Variants in PKIB observed in about 807,000 individuals in gnomAD.
PKIB encodes the protein cAMP-dependent protein kinase inhibitor beta, also known as PKI-beta.
Under a neutral mutation model 4.5 loss-of-function variants are expected in PKIB, and 2 were observed. That is an observed-to-expected ratio of 0.44 (90% confidence interval 0.18 to 1.39). The LOEUF is 1.39. Ranked by LOEUF, PKIB falls within the 40% of genes most tolerant of loss-of-function variation. PKIB has a pLI of 0.27. For synonymous variants in PKIB, 38 were observed against 36.0 expected (o/e 1.06, Z -0.20); for missense variants, 94 against 92.6 (o/e 1.02, Z -0.06).
At chr6:122,587,038 T>TA (rs1305674551) in intron 3 of PKIB, among the ~76,000 whole-genome samples, 1 of 152,074 alleles carries the variant, frequency 6.6e-6, no homozygotes, top group African/African-American at 2.4e-5. Flanking sequence ...GTTTTTTTTT[T>TA]ATTGTACTTT....
chr6:122,488,095 T>G (rs1002915481), intron 2 of PKIB, among the ~76,000 whole-genome samples: 3 of 152,188 alleles, frequency 2.0e-5, no homozygotes, highest in African/African-American at 7.2e-5. Flanking sequence ...CCATCCAAGG[T>G]TCTTATCTCA....
intron 3 of PKIB, among the ~76,000 whole-genome samples, chr6:122,703,091 A>G (rs935186245): frequency 6.6e-6 from 1 of 152,178 alleles, no homozygotes; most frequent in Non-Finnish European, 1.5e-5. Context: ...AACAAGCTTC[A>G]ATGTATCAGC....
chr6:122,577,041 C>T (rs559190700), intron 2 of PKIB, among the ~76,000 whole-genome samples: 15 of 152,138 alleles, frequency 9.9e-5, no homozygotes, highest in African/African-American at 2.7e-4. Flanking sequence ...TCAGGGACTG[C>T]GCCATACATG....
intron 2 of PKIB, among the ~76,000 whole-genome samples, chr6:122,560,809 GT>G (rs1337269209): frequency 1.3e-5 from 2 of 151,858 alleles, no homozygotes; most frequent in Non-Finnish European, 2.9e-5. Context: ...TCTCTTCTAA[GT>G]TTTCTAGTTT....
chr6:122,665,125 C>A (rs905923431), intron 2 of PKIB, among the ~76,000 whole-genome samples: 2 of 151,868 alleles, frequency 1.3e-5, no homozygotes, highest in African/African-American at 4.8e-5. Context: ...GACTCATATA[C>A]CTGGGTTAAA....
chr6:122,495,852 TTCCC>T (rs1776063663), intron 2 of PKIB, among the ~76,000 whole-genome samples: 1 of 152,134 alleles, frequency 6.6e-6, no homozygotes, highest in South Asian at 2.1e-4. Context: ...AAACAGGTGT[TTCCC>T]ATGGCTTTCA....
intron 3 of PKIB, chr6:122,701,391 G>T: frequency 6.8e-7 from 1 of 1,466,404 alleles, no homozygotes; most frequent in Non-Finnish European, 9.3e-7. Context: ...TGGTAAGCAG[G>T]AATGAAGTAC....
intron 1 of PKIB, among the ~76,000 whole-genome samples, chr6:122,618,324 C>G (rs1260827745): frequency 6.6e-6 from 1 of 152,084 alleles, no homozygotes; most frequent in Non-Finnish European, 1.5e-5. Flanking sequence ...TACCCTCAAA[C>G]ATCTTTTTCT....
At chr6:122,630,716 T>C (rs1775659937) in intron 1 of PKIB, among the ~76,000 whole-genome samples, 1 of 152,246 alleles carries the variant, frequency 6.6e-6, no homozygotes, top group African/African-American at 2.4e-5. Flanking sequence ...AAAATTACCA[T>C]TTTCAATCCA....
At chr6:122,673,856 G>A (rs1224216211) in intron 2 of PKIB, among the ~76,000 whole-genome samples, 1 of 152,188 alleles carries the variant, frequency 6.6e-6, no homozygotes, top group African/African-American at 2.4e-5. Context: ...CCTGTGATAA[G>A]CACAAAGACA....
At chr6:122,499,790 T>A (rs1776172286) in intron 2 of PKIB, among the ~76,000 whole-genome samples, 1 of 152,166 alleles carries the variant, frequency 6.6e-6, no homozygotes, top group Non-Finnish European at 1.5e-5. Context: ...TTGCTGATGA[T>A]CTAATTCTAT....
chr6:122,649,428 C>T (rs950476847), intron 2 of PKIB, among the ~76,000 whole-genome samples: 2 of 152,164 alleles, frequency 1.3e-5, no homozygotes, highest in African/African-American at 4.8e-5. Context: ...TCATGCAAGA[C>T]CATCTGTAAA....
At chr6:122,529,659 A>T (rs1357569751) in intron 2 of PKIB, among the ~76,000 whole-genome samples, 1 of 152,012 alleles carries the variant, frequency 6.6e-6, no homozygotes, top group East Asian at 1.9e-4. Flanking sequence ...GGAAAATCTT[A>T]ATTTCTCATT....
intron 2 of PKIB, among the ~76,000 whole-genome samples, chr6:122,573,160 G>T (rs1386998970): frequency 6.6e-6 from 1 of 152,090 alleles, no homozygotes; most frequent in Admixed American, 6.5e-5. Flanking sequence ...AAGGACACAA[G>T]AGAAAAAGAA....
chr6:122,616,108 T>A (rs1774974486), intron 1 of PKIB, among the ~76,000 whole-genome samples: 1 of 152,026 alleles, frequency 6.6e-6, no homozygotes, highest in Non-Finnish European at 1.5e-5. Flanking sequence ...AATATAATGA[T>A]GAGATCTCCT....
chr6:122,627,149 A>AG (rs1775483495), intron 1 of PKIB, among the ~76,000 whole-genome samples: 1 of 150,886 alleles, frequency 6.6e-6, no homozygotes, highest in East Asian at 1.9e-4. Context: ...AGACTGAGGC[A>AG]GGAAAACGGC....
At chr6:122,681,863 C>T (rs1777907916) in intron 3 of PKIB, among the ~76,000 whole-genome samples, 1 of 152,186 alleles carries the variant, frequency 6.6e-6, no homozygotes, top group Admixed American at 6.5e-5. Context: ...ACTAATGAGG[C>T]TTGGATATGG....
chr6:122,569,101 T>C (rs1299006448), intron 2 of PKIB, among the ~76,000 whole-genome samples: 2 of 152,148 alleles, frequency 1.3e-5, no homozygotes, highest in Admixed American at 6.5e-5. Flanking sequence ...TTGACCCTCA[T>C]AGGGCCTGTG....
intron 2 of PKIB, among the ~76,000 whole-genome samples, chr6:122,530,643 T>G (rs1777227994): frequency 6.6e-6 from 1 of 152,144 alleles, no homozygotes; most frequent in Admixed American, 6.6e-5. Context: ...GATCTCTGGC[T>G]CTCTCTGGTG....
Sources: gnomAD v4.1 joint callset for allele counts (sites outside exome capture counted in the v4.1 genomes callset) on GRCh38, gnomAD v4.1.1 for gene constraint, MANE v1.5 for transcripts, NCBI Gene and HGNC (gene_info 2026-07-23, HGNC 2026-07-21) for gene names.